The following CDH1 variants were observed in gnomAD, a reference collection of about 807,000 sequenced individuals.
The protein encoded by CDH1 is cadherin 1.
In CDH1, 35 loss-of-function variants were observed where a neutral mutation model predicts 84.5. The ratio of observed to expected loss-of-function variants is 0.41; its 90% CI spans 0.32 to 0.55. CDH1 has a LOEUF of 0.55. Ranked by LOEUF, CDH1 falls within the 20% of genes least tolerant of loss-of-function variation. The probability of loss-of-function intolerance (pLI) is 0.19; values close to 1 mark genes in which losing one functional copy is unlikely to be tolerated. For missense variants in CDH1, 994 were observed against 1,126.6 expected (o/e 0.88, Z 1.68); for synonymous variants, 417 against 439.0 (o/e 0.95, Z 0.63).
Position 68,808,881 on chromosome 16 carries a change from G to A in CDH1, c.687+33G>A, listed in dbSNP as rs199545571. On this transcript the variant is annotated intron_variant, in intron 5 of 15. Coordinates refer to ENST00000261769, the MANE Select transcript of CDH1 (RefSeq NM_004360.5). ...TCTCTTAGAAGCTTGTTGACACCGG[G>A]GTAACATCCACCCAGGATTTTTTGG... The A allele has an allele frequency of 3.3e-4, 530 of 1,610,842 alleles. 4 individuals carry two copies. The East Asian group carries it at 3.6e-3, about 11-fold the overall frequency.
intron 2 of CDH1, among the ~76,000 whole-genome samples, chr16:68,800,164 A>T (rs1401103593): frequency 1.3e-5 from 2 of 151,566 alleles, no homozygotes; most frequent in African/African-American, 4.8e-5. Flanking sequence ...ACATAACAAG[A>T]TCCCATCTCT....
In CDH1 at chr16:68,813,673, A is replaced by G. The variant is rs9935130; in HGVS notation, c.1320+178A>G. 28,606 of 758,944 alleles carry G rather than the reference A, an allele frequency of 0.038. 1,865 individuals carry two copies. Among genetic ancestry groups the G allele is most frequent in the African/African-American group, 0.23 (13,600 of 58,944 alleles). 47.0% of individuals were successfully genotyped at this position (758,944 alleles called of 1,614,324 possible). ...CTCTTCCTGCTCATGTAAGAAATCA[A>G]GAAACTGTGCTGTGTGTGGTGGCTC... On this transcript the variant is annotated intron_variant, in intron 9 of 15. Coordinates refer to ENST00000261769, the MANE Select transcript of CDH1 (RefSeq NM_004360.5).
chr16:68,737,515 C>T (rs112070254), intron 1 of CDH1, 52 bp downstream of exon 1: 20 of 1,351,340 alleles, frequency 1.5e-5, no homozygotes, highest in Non-Finnish European at 1.8e-5. Flanking sequence ...GCAAGCTCCG[C>T]GCCCCAGCCC....
intron 10 of CDH1, among the ~76,000 whole-genome samples, chr16:68,818,239 C>CAAAAAAAAAAAAA (rs576537213): frequency 1.2e-5 from 1 of 83,580 alleles, no homozygotes; most frequent in African/African-American, 3.3e-5. Flanking sequence ...GACTCTGTCC[C>CAAAAAAAAAAAAA]AAAAAAAAAA....
intron 2 of CDH1, among the ~76,000 whole-genome samples, chr16:68,745,311 C>T (rs1236298793): frequency 6.6e-6 from 1 of 150,962 alleles, no homozygotes; most frequent in Non-Finnish European, 1.5e-5. Context: ...GCGAGACCCC[C>T]ATCTCTACAA....
chr16:68,738,451 G>T (rs1157528641), intron 2 of CDH1, 40 bp downstream of exon 2: 1 of 1,433,828 alleles, frequency 7.0e-7, no homozygotes, highest in Admixed American at 2.0e-5. Flanking sequence ...GGAGTAGGGA[G>T]GGGTTGGAAA....
intron 2 of CDH1, among the ~76,000 whole-genome samples, chr16:68,789,143 C>T (rs566874219): frequency 6.6e-6 from 1 of 152,228 alleles, no homozygotes; most frequent in African/African-American, 2.4e-5. Context: ...CCTACCTCAG[C>T]CCTCCCAAAT....
intron 2 of CDH1, among the ~76,000 whole-genome samples, chr16:68,779,622 G>A (rs773507947): frequency 6.6e-6 from 1 of 152,156 alleles, no homozygotes; most frequent in Non-Finnish European, 1.5e-5. Flanking sequence ...TTGGGAGGCC[G>A]AGCAGGCAGG....
At chr16:68,761,934 C>T (rs1276674628) in intron 2 of CDH1, among the ~76,000 whole-genome samples, 1 of 152,178 alleles carries the variant, frequency 6.6e-6, no homozygotes. Flanking sequence ...TCACTTGGGA[C>T]TCCTCTGGTC....
rs751544748 is a variant in CDH1 at position 68,828,187 on chromosome 16, G to A, written c.2178G>A (p.Leu726=). The stretch of plus-strand genomic sequence containing the variant: ...CCACCATCCCAGTTCTGATTCTGCT[G>A]CTCTTGCTGTTTCTTCGGAGGAGAG... ...GILALLILIL[L]LLLFLRRRAV... Residue 726 remains leucine, a synonymous_variant, in exon 14 of 16, where the codon CTG becomes CTA. Coordinates refer to ENST00000261769, the MANE Select transcript of CDH1 (RefSeq NM_004360.5). The A allele has an allele frequency of 2.5e-6, 4 of 1,613,884 alleles. No homozygotes were observed. The East Asian group carries it at 6.7e-5, about 27-fold the overall frequency.
chr16:68,779,959 A>G (rs1472043304), intron 2 of CDH1, among the ~76,000 whole-genome samples: 1 of 152,124 alleles, frequency 6.6e-6, no homozygotes, highest in Non-Finnish European at 1.5e-5. Flanking sequence ...GATAACTCCA[A>G]GACACTCCTT....
intron 2 of CDH1, among the ~76,000 whole-genome samples, chr16:68,752,845 C>T (rs9932686): frequency 0.032 from 4,945 of 152,228 alleles, 270 homozygotes; most frequent in African/African-American, 0.11. Flanking sequence ...TATCTGAGCC[C>T]GCCAGAGCCA....
chr16:68,832,391 G>T (rs1245068830), intron 15 of CDH1, among the ~76,000 whole-genome samples: 5 of 151,734 alleles, frequency 3.3e-5, no homozygotes, highest in Non-Finnish European at 7.4e-5. Context: ...CCAGAGAATC[G>T]CTTGAACCCA....
chr16:68,819,632 C>G (rs1244550138), intron 11 of CDH1, among the ~76,000 whole-genome samples: 2 of 151,882 alleles, frequency 1.3e-5, no homozygotes. Context: ...TTTAGGGTAT[C>G]CGTCACCCAA....
intron 2 of CDH1, among the ~76,000 whole-genome samples, chr16:68,740,876 T>C (rs1962545738): frequency 6.6e-6 from 1 of 152,182 alleles, no homozygotes; most frequent in South Asian, 2.1e-4. Flanking sequence ...AGCAATTCTG[T>C]AATCTGAAGC....
intron 2 of CDH1, among the ~76,000 whole-genome samples, chr16:68,795,009 A>G (rs1960320777): frequency 6.6e-6 from 1 of 152,096 alleles, no homozygotes; most frequent in Admixed American, 6.6e-5. Flanking sequence ...CTAACTTTTT[A>G]GATTTTCTTT....
At chr16:68,746,777 G>A (rs1269904190) in intron 2 of CDH1, among the ~76,000 whole-genome samples, 6 of 151,824 alleles carry the variant, frequency 4.0e-5, no homozygotes, top group East Asian at 3.9e-4. Context: ...GTGAAACCCC[G>A]TTTCTGCTAA....
chr16:68,808,430 G>A lies in CDH1; in HGVS notation c.394G>A (p.Val132Ile), dbSNP rs142498771. The A allele has an allele frequency of 4.1e-5, 66 of 1,614,022 alleles. No individual in the cohort carries two copies. The African/African-American group carries it at 4.4e-4, about 11-fold the overall frequency. ...HHRPPPHQAS[V>I]SGIQAELLTF... is the part of the protein sequence containing the mutation. ...TCATCTTCTTTCCTTTTAGGCCTCC[G>A]TTTCTGGAATCCAAGCAGAATTGCT... Residue 132 changes from valine (V) to isoleucine (I), a missense_variant, in exon 4 of 16, where the codon GTT (valine) becomes ATT (isoleucine). Physicochemically the swap from Val to Ile is conservative, Grantham distance 29. Around this residue, in one of 3 missense-constraint regions of CDH1, gnomAD observed 203 missense variants for 194.0 expected, o/e 1.05. Transcript: ENST00000261769.
intron 11 of CDH1, among the ~76,000 whole-genome samples, chr16:68,820,967 C>G (rs1239360543): frequency 6.6e-6 from 1 of 152,004 alleles, no homozygotes; most frequent in Non-Finnish European, 1.5e-5. Flanking sequence ...ATGACGTGTG[C>G]TCATTGTTAA....
Sources: gnomAD v4.1 joint callset for allele counts (sites outside exome capture counted in the v4.1 genomes callset) on GRCh38, gnomAD v4.1.1 for gene constraint, gnomAD v4.1.1 regional missense constraint, MANE v1.5 for transcripts, NCBI Gene and HGNC (gene_info 2026-07-23, HGNC 2026-07-21) for gene names.